ACTN2: variants seen among roughly 807,000 people sequenced by gnomAD.
ACTN2 encodes the protein alpha-actinin-2.
Under a neutral mutation model 113.8 loss-of-function variants are expected in ACTN2, and 39 were observed. The ratio of observed to expected loss-of-function variants is 0.34; its 90% confidence interval spans 0.27 to 0.45. The LOEUF is 0.45. ACTN2 is among the 20% of genes least tolerant of loss of function. ACTN2 has a pLI of 1.00. For synonymous variants in ACTN2, 429 were observed against 444.1 expected, an observed-to-expected ratio of 0.97 and a Z score of 0.43; for missense variants, 992 against 1,177.9, an observed-to-expected ratio of 0.84 and a Z score of 2.31.
At chr1:236,692,623 A>G (rs1427077930) in intron 1 of ACTN2, among the ~76,000 whole-genome samples, 1 of 152,210 alleles carries the variant, frequency 6.6e-6, no homozygotes, top group Admixed American at 6.5e-5. Flanking sequence ...GAGGGACTGT[A>G]ATAAATATAC....
intron 7 of ACTN2, among the ~76,000 whole-genome samples, chr1:236,732,475 C>G (rs1188832613): frequency 6.6e-6 from 1 of 150,442 alleles, no homozygotes; most frequent in African/African-American, 2.5e-5. Context: ...CAGAGTCTCA[C>G]TCCGTCGCCC....
intron 4 of ACTN2, among the ~76,000 whole-genome samples, chr1:236,721,090 C>T (rs896815284): frequency 4.6e-5 from 6 of 129,370 alleles, no homozygotes; most frequent in African/African-American, 1.8e-4. Flanking sequence ...TTCAGTGGCG[C>T]GATCTTGGCT....
At chr1:236,724,700 C>T (rs1410229661) in intron 4 of ACTN2, among the ~76,000 whole-genome samples, 3 of 152,222 alleles carry the variant, frequency 2.0e-5, no homozygotes, top group Admixed American at 6.5e-5. Context: ...AATGTGGCCT[C>T]AGTGGGAATG....
At chr1:236,734,419 T>C in intron 7 of ACTN2, 3 of 1,527,314 alleles carry the variant, frequency 2.0e-6, no homozygotes, top group Non-Finnish European at 2.6e-6. Context: ...GTTAACCTTC[T>C]TTTCTCCACA....
chr1:236,753,232 A>G (rs1464426339), intron 15 of ACTN2, among the ~76,000 whole-genome samples: 1 of 152,232 alleles, frequency 6.6e-6, no homozygotes, highest in Non-Finnish European at 1.5e-5. Flanking sequence ...GTAAACTTAT[A>G]AAAATATTTA....
chr1:236,701,134 A>G (rs948723262), intron 1 of ACTN2, among the ~76,000 whole-genome samples: 8 of 151,878 alleles, frequency 5.3e-5, no homozygotes, highest in Non-Finnish European at 1.0e-4. Flanking sequence ...TATAAATAGC[A>G]CCTCCTTTGA....
At chr1:236,736,987 C>G (rs1413954733) in intron 8 of ACTN2, 135 bp from the exon 9 acceptor site, 1 of 712,866 alleles carries the variant, frequency 1.4e-6, no homozygotes, top group Non-Finnish European at 2.5e-6. Context: ...TCAGTCTGAC[C>G]GCACCCTAAG....
At chr1:236,718,074 C>G (rs1483763735) in intron 2 of ACTN2, 102 bp downstream of exon 2, 2 of 900,782 alleles carry the variant, frequency 2.2e-6, no homozygotes, top group Non-Finnish European at 3.6e-6. Context: ...CTTGGCTGGG[C>G]AAGAACATGG....
chr1:236,745,910 C>T (rs186205701), intron 12 of ACTN2, among the ~76,000 whole-genome samples: 153 of 151,978 alleles, frequency 1.0e-3, no homozygotes, highest in South Asian at 2.7e-3. Context: ...ACGCCTGTAA[C>T]CCCAGCACTT....
chr1:236,708,202 C>T (rs889696634), intron 1 of ACTN2, among the ~76,000 whole-genome samples: 5 of 152,000 alleles, frequency 3.3e-5, no homozygotes, highest in Non-Finnish European at 7.3e-5. Flanking sequence ...GATTCGTGGG[C>T]AGAGAATAAA....
intron 17 of ACTN2, among the ~76,000 whole-genome samples, chr1:236,756,772 G>T (rs374027736): frequency 4.3e-4 from 3 of 7,040 alleles, no homozygotes; most frequent in Non-Finnish European, 5.6e-4. Context: ...TACTGCAGAG[G>T]GCCCGCTGCC....
chr1:236,699,390 G>A (rs952803672), intron 1 of ACTN2, among the ~76,000 whole-genome samples: 2 of 152,178 alleles, frequency 1.3e-5, no homozygotes, highest in Non-Finnish European at 2.9e-5. Context: ...AGCTTTAGGA[G>A]TTGCATTGTC....
At position 236,757,738 on chromosome 1, in the gene ACTN2, C is replaced by T. The variant is rs551230990; in HGVS notation, c.2301+106C>T. 1.3e-3 allele frequency: 1,911 copies of T among 1,430,728 alleles called. 4 individuals carry two copies. The highest frequency in any genetic ancestry group is 1.7e-3 in the Non-Finnish European group (1,783 of 1,020,664). The allele number at this position is 1,430,728 out of a possible 1,614,324, so 88.6% of individuals were successfully genotyped here. A position where few individuals can be genotyped will look rare whatever the true frequency, so the allele number is the denominator to read the frequency against. On this transcript the variant is annotated intron_variant, in intron 18 of 20. Coordinates refer to ENST00000366578, the MANE Select transcript of ACTN2 (RefSeq NM_001103.4). ...AAGTCTTAAGGCTCCACAACATTTA[C>T]AGGGAAACAGGATAGTTAATGACAA...
chr1:236,687,543 G>C (rs1242833363), intron 1 of ACTN2, among the ~76,000 whole-genome samples: 1 of 152,230 alleles, frequency 6.6e-6, no homozygotes, highest in Non-Finnish European at 1.5e-5. Flanking sequence ...TAGGCAGGGA[G>C]CCTGGTTGGG....
chr1:236,747,996 T>TA, intron 13 of ACTN2: 1 of 517,118 alleles, frequency 1.9e-6, no homozygotes, highest in East Asian at 3.6e-5. Context: ...TTTTCAATTT[T>TA]AAAAAATCCA....
intron 1 of ACTN2, among the ~76,000 whole-genome samples, chr1:236,699,693 G>A (rs1383879550): frequency 6.6e-6 from 1 of 152,106 alleles, no homozygotes. Context: ...ACTGAGCCTA[G>A]CATCTTTTGA....
chr1:236,760,653 C>T (rs567503975), intron 19 of ACTN2, among the ~76,000 whole-genome samples: 2 of 152,328 alleles, frequency 1.3e-5, no homozygotes, highest in African/African-American at 4.8e-5. Flanking sequence ...GAGCTGCCTT[C>T]AGTTTGGCAG....
At chr1:236,695,414 G>GA (rs58669150) in intron 1 of ACTN2, among the ~76,000 whole-genome samples, 1,156 of 102,898 alleles carry the variant, frequency 0.011, 9 homozygotes, top group African/African-American at 0.025. Context: ...TGCTGTGTCT[G>GA]AAAAAAAAAA....
In ACTN2 at chr1:236,686,682, G is replaced by C; in HGVS notation, c.9G>C (p.Gln3His). MNQIEPGVQYNYV... is the reference protein window; with the variant it reads MNHIEPGVQYNYV... ...CCGGCCAACCGAGCGCCATGAACCAGATAGAGCCCGGCGTGCAGTACAACT... is the reference window on the plus strand; with the variant it reads ...CCGGCCAACCGAGCGCCATGAACCACATAGAGCCCGGCGTGCAGTACAACT... Residue 3 changes from glutamine (Q) to histidine (H), a missense_variant, in exon 1 of 21, where the codon CAG (glutamine) becomes CAC (histidine). Transcript: ENST00000366578. The C allele has an allele frequency of 6.4e-7, 1 of 1,562,200 alleles. No homozygotes were observed. The highest frequency in any genetic ancestry group is 8.7e-7 in the Non-Finnish European group (1 of 1,154,154).
Sources: allele counts gnomAD v4.1 joint callset (sites outside exome capture counted in the v4.1 genomes callset), GRCh38; gene constraint gnomAD v4.1.1; transcripts MANE v1.5; gene names NCBI Gene and HGNC (gene_info 2026-07-23, HGNC 2026-07-21).